Variants in IGSF3 observed in about 807,000 individuals in gnomAD.
The protein encoded by IGSF3 is glu-Trp-Ile EWI motif-containing protein 3.
IGSF3 carries 23 observed loss-of-function variants against 114.4 expected under a neutral mutation model. The observed-to-expected ratio is 0.20, with a 90% CI of 0.14 to 0.28. IGSF3 has a LOEUF of 0.28. Among genes scored for constraint, IGSF3 ranks in the 10% least tolerant of loss-of-function variants. The pLI is 1.00. For missense variants in IGSF3, 1,172 were observed against 1,591.5 expected (o/e 0.74, Z 4.48); for synonymous variants, 571 against 645.2 (o/e 0.88, Z 1.74).
Position 116,579,969 on chromosome 1 carries a change from A to ATGG in IGSF3, c.2849-93_2849-92insCCA. On this transcript the variant is annotated intron_variant, in intron 9 of 10. Coordinates refer to ENST00000369486, the MANE Select transcript of IGSF3 (RefSeq NM_001007237.3). The surrounding 1 kb of genome is among the most constrained non-coding windows in gnomAD (Gnocchi z 6.4). ...TGTCCATCATTAAACACATGATAGT[A>ATGG]ACATCCATACTATAAGATATTATGC... 1 of 1,115,092 alleles carries ATGG rather than the reference A, an allele frequency of 9.0e-7. No homozygotes were observed. Among genetic ancestry groups the ATGG allele is most frequent in the Non-Finnish European group, 1.3e-6 (1 of 798,068 alleles). 69.1% of individuals were successfully genotyped at this position (1,115,092 alleles called of 1,614,324 possible).
At chr1:116,658,479 A>G (rs1298617381) in intron 2 of IGSF3, among the ~76,000 whole-genome samples, 1 of 151,910 alleles carries the variant, frequency 6.6e-6, no homozygotes, top group East Asian at 1.9e-4. Context: ...CTTCCAGGAT[A>G]TCCACTCACA....
chr1:116,666,576 G>A lies in IGSF3; in HGVS notation c.-250C>T. The A allele has an allele frequency of 3.3e-6, 2 of 599,852 alleles. No homozygotes were observed. Among genetic ancestry groups the A allele is most frequent in the East Asian group, 5.5e-5 (2 of 36,358 alleles). The allele number at this position is 599,852 out of a possible 1,614,324, so 37.2% of individuals were successfully genotyped here. On this transcript the variant is annotated 5_prime_UTR_variant, in exon 2 of 11. Coordinates refer to ENST00000369486, the MANE Select transcript of IGSF3 (RefSeq NM_001007237.3). ...CACAACAATTCGGAAGTCGCTCCCG[G>A]CTCCTGCCACATCGTGTGCCTTGCA...
chr1:116,650,090 T>A lies in IGSF3; in HGVS notation c.43+16194A>T, dbSNP rs1210136217. The stretch of plus-strand genomic sequence containing the variant: ...CACAAAGCTAAGCTCTGTCTCTGAA[T>A]AATGTGCTTTTTGATGATAATCTGA... On this transcript the variant is annotated intron_variant, in intron 2 of 10. Transcript: ENST00000369486. This position sits in a 1 kb window ranked among gnomAD's most constrained non-coding sequence, Gnocchi z 5.0. Among the ~76,000 whole-genome samples the A allele has an allele frequency of 1.3e-5, 2 of 152,206 alleles. No individual in the cohort carries two copies. The highest frequency in any genetic ancestry group is 1.3e-4 in the Admixed American group (2 of 15,284).
In IGSF3 at chr1:116,596,192, A is replaced by G. The variant is rs1660332425; in HGVS notation, c.2029+3749T>C. On this transcript the variant is annotated intron_variant, in intron 7 of 10. Transcript: ENST00000369486. This position sits in a 1 kb window ranked among gnomAD's most constrained non-coding sequence, Gnocchi z 4.1. ...ACAAAGAAGCTTGCTGCGATAAATG[A>G]TATCACAGCAGTGGAAGGCTGATGG... Among the ~76,000 whole-genome samples the G allele has an allele frequency of 1.3e-5, 2 of 152,246 alleles. No homozygotes were observed. Among genetic ancestry groups the G allele is most frequent in the African/African-American group, 4.8e-5 (2 of 41,464 alleles).
Position 116,588,649 on chromosome 1 carries a change from G to A in IGSF3, c.2440+45C>T, listed in dbSNP as rs779612110. The stretch of plus-strand genomic sequence containing the variant: ...CCCCACCCACCCCCAGGCAGTCTCT[G>A]CACTAAACCCACTGGCCCAGGACAG... On this transcript the variant is annotated intron_variant, in intron 8 of 10. Coordinates refer to ENST00000369486, the MANE Select transcript of IGSF3 (RefSeq NM_001007237.3). The surrounding 1 kb of genome is among the most constrained non-coding windows in gnomAD (Gnocchi z 4.9). 2.9e-6 allele frequency: 4 copies of A among 1,362,926 alleles called. No individual in the cohort carries two copies. The Admixed American group carries it at 6.1e-5, about 21-fold the overall frequency. 84.4% of individuals were successfully genotyped at this position (1,362,926 alleles called of 1,614,324 possible).
rs573621821 is a variant in IGSF3 at position 116,664,499 on chromosome 1, G to A, written c.43+1785C>T. 6.6e-5 allele frequency among the ~76,000 whole-genome samples: 10 copies of A among 152,264 alleles called. No individual in the cohort carries two copies. Among genetic ancestry groups the A allele is most frequent in the African/African-American group, 2.2e-4 (9 of 41,548 alleles). ...GCCCTGGGCCCCACCCTGCCACTCA[G>A]CCCTCTTTCCCGCCTTAGCCACACA... On this transcript the variant is annotated intron_variant, in intron 2 of 10. Transcript: ENST00000369486. The surrounding 1 kb of genome is among the most constrained non-coding windows in gnomAD (Gnocchi z 4.6).
In IGSF3 at chr1:116,577,649, GT is replaced by G; in HGVS notation, c.3335-88del. On this transcript the variant is annotated intron_variant, in intron 10 of 10. Transcript: ENST00000369486. This position sits in a 1 kb window ranked among gnomAD's most constrained non-coding sequence, Gnocchi z 5.7. ...CCTTTTGAAGACCTCACCTGACCCAGTGGAAGCTCCTCGGTGACACTCCCAC... is the reference window on the plus strand; with the variant it reads ...CCTTTTGAAGACCTCACCTGACCCAGGGAAGCTCCTCGGTGACACTCCCAC... 7.5e-7 allele frequency: 1 copy of G among 1,338,634 alleles called. No individual in the cohort carries two copies. Among genetic ancestry groups the G allele is most frequent in the East Asian group, 2.3e-5 (1 of 43,362 alleles). The allele number at this position is 1,338,634 out of a possible 1,614,324, so 82.9% of individuals were successfully genotyped here. A position where few individuals can be genotyped will look rare whatever the true frequency, so the allele number is the denominator to read the frequency against.
At chr1:116,623,494 T>C (rs12088132) in intron 2 of IGSF3, among the ~76,000 whole-genome samples, 20,743 of 151,714 alleles carry the variant, frequency 0.14, 1,818 homozygotes, top group African/African-American at 0.26. Flanking sequence ...GAGACCAGCC[T>C]GGCCAACATG....
rs1352003868 is a variant in IGSF3 at position 116,650,466 on chromosome 1, A to G, written c.43+15818T>C. Among the ~76,000 whole-genome samples the G allele has an allele frequency of 1.3e-5, 2 of 152,170 alleles. No individual in the cohort carries two copies. On this transcript the variant is annotated intron_variant, in intron 2 of 10. Transcript: ENST00000369486. This position sits in a 1 kb window ranked among gnomAD's most constrained non-coding sequence, Gnocchi z 5.0. ...ACCTCAGTGGCCAAAACCATGTCAC[A>G]CGCCCATGTCTAAATTACGGGCCTC...
chr1:116,584,917 G>C lies in IGSF3; in HGVS notation c.2576C>G (p.Pro859Arg). Residue 859 changes from proline (P) to arginine (R), a missense_variant, in exon 9 of 11, where the codon CCC becomes CGC. Physicochemically the swap from Pro to Arg is moderately radical, Grantham distance 103. Around this residue, in one of 3 missense-constraint regions of IGSF3, gnomAD observed 423 missense variants for 509.8 expected, o/e 0.83. Coordinates refer to ENST00000369486, the MANE Select transcript of IGSF3 (RefSeq NM_001007237.3). The surrounding 1 kb of genome is among the most constrained non-coding windows in gnomAD (Gnocchi z 5.8). The stretch of plus-strand genomic sequence containing the variant: ...CACAGTCTCCCGCTCAGGGTGGTTG[G>C]GCTTCCATACAAACCATTCCACCAT... ...QLMVEWFVWK[P>R]NHPERETVAR... 6.2e-7 allele frequency: 1 copy of C among 1,614,110 alleles called. No individual in the cohort carries two copies.
At chr1:116,619,582 T>G (rs186493740) in intron 2 of IGSF3, among the ~76,000 whole-genome samples, 34 of 152,314 alleles carry the variant, frequency 2.2e-4, no homozygotes, top group African/African-American at 7.5e-4. Flanking sequence ...GTTTTCTTCT[T>G]GGCAGTTTAA....
chr1:116,591,761 C>T (rs1386359236), intron 7 of IGSF3, among the ~76,000 whole-genome samples: 1 of 152,144 alleles, frequency 6.6e-6, no homozygotes, highest in Non-Finnish European at 1.5e-5. Flanking sequence ...GGAGCCCTCC[C>T]ATGTCCTGCC....
chr1:116,635,676 T>G (rs1647794350), intron 2 of IGSF3, among the ~76,000 whole-genome samples: 1 of 152,248 alleles, frequency 6.6e-6, no homozygotes, highest in African/African-American at 2.4e-5. Context: ...AATGGCATCT[T>G]CTTGTTGGGA....
At chr1:116,667,264 G>C (rs745332580) in intron 1 of IGSF3, among the ~76,000 whole-genome samples, 1 of 152,204 alleles carries the variant, frequency 6.6e-6, no homozygotes, top group African/African-American at 2.4e-5. Context: ...GGCAAATCGG[G>C]AAGGGGCTCC....
At chr1:116,623,077 C>T (rs1277990460) in intron 2 of IGSF3, among the ~76,000 whole-genome samples, 4 of 152,240 alleles carry the variant, frequency 2.6e-5, no homozygotes, top group Non-Finnish European at 5.9e-5. Context: ...ACAGGCACAT[C>T]GGTGACAACT....
chr1:116,591,924 C>T (rs1407328731), intron 7 of IGSF3, among the ~76,000 whole-genome samples: 2 of 152,164 alleles, frequency 1.3e-5, no homozygotes, highest in Non-Finnish European at 2.9e-5. Context: ...AGACTAAAAG[C>T]AATGGTCTAT....
In IGSF3 at chr1:116,576,637, GA is replaced by G. The variant is rs1659355304; in HGVS notation, c.*674del. 2 of 152,608 alleles carry G rather than the reference GA, an allele frequency of 1.3e-5. No individual in the cohort carries two copies. The highest frequency in any genetic ancestry group is 6.5e-5 in the Admixed American group (1 of 15,274). The allele number at this position is 152,608 out of a possible 1,614,324, so 9.5% of individuals were successfully genotyped here. A position where few individuals can be genotyped will look rare whatever the true frequency, so the allele number is the denominator to read the frequency against. On this transcript the variant is annotated 3_prime_UTR_variant, in exon 11 of 11. Coordinates refer to ENST00000369486, the MANE Select transcript of IGSF3 (RefSeq NM_001007237.3). The surrounding 1 kb of genome is among the most constrained non-coding windows in gnomAD (Gnocchi z 4.6). ...ATCTACTCCTAATGGGGTTATGCAG[GA>G]TTTCTCTTGTACATACACAGTTCTT... is the stretch of plus-strand genomic sequence containing the variant.
rs1183137113 is a variant in IGSF3 at position 116,632,843 on chromosome 1, A to G, written c.44-16386T>C. On this transcript the variant is annotated intron_variant, in intron 2 of 10. Transcript: ENST00000369486. This position sits in a 1 kb window ranked among gnomAD's most constrained non-coding sequence, Gnocchi z 5.1. ...GCCACAGAGAGAAAGGGGTTTTGAA[A>G]AAGTTCTAAATCTCCATGGCTAGGG... is the stretch of plus-strand genomic sequence containing the variant. Among the ~76,000 whole-genome samples, 1 of 152,192 alleles carries G rather than the reference A, an allele frequency of 6.6e-6. No individual in the cohort carries two copies. The highest frequency in any genetic ancestry group is 1.5e-5 in the Non-Finnish European group (1 of 68,036).
intron 4 of IGSF3, among the ~76,000 whole-genome samples, chr1:116,611,880 T>C (rs921843880): frequency 5.9e-5 from 9 of 152,096 alleles, no homozygotes; most frequent in Non-Finnish European, 8.8e-5. Context: ...CTAGTCATCT[T>C]TGAAGCCCTT....
Sources: allele counts gnomAD v4.1 joint callset (sites outside exome capture counted in the v4.1 genomes callset), GRCh38; gene constraint gnomAD v4.1.1; regional missense constraint gnomAD v4.1.1; non-coding constraint Gnocchi (gnomAD v3.1); transcripts MANE v1.5; gene names NCBI Gene and HGNC (gene_info 2026-07-23, HGNC 2026-07-21).